The following CDK14 variants were observed in gnomAD, a reference collection of about 807,000 sequenced individuals.
CDK14 encodes the protein cyclin-dependent kinase 14.
Under a neutral mutation model 60.7 loss-of-function variants are expected in CDK14, and 34 were observed. The observed-to-expected ratio is 0.56, with a 90% confidence interval of 0.43 to 0.75. The LOEUF (loss-of-function observed/expected upper bound fraction) is 0.75. Ranked by LOEUF, CDK14 falls within the 30% of genes least tolerant of loss-of-function variation. The pLI is 0.00. For missense variants in CDK14, 482 were observed against 564.1 expected (o/e 0.85, Z 1.47); for synonymous variants, 197 against 203.7 (o/e 0.97, Z 0.28).
intron 10 of CDK14, among the ~76,000 whole-genome samples, chr7:91,023,621 C>G (rs942055204): frequency 3.9e-5 from 6 of 152,174 alleles, no homozygotes; most frequent in Non-Finnish European, 7.3e-5. Flanking sequence ...ATTATTACCA[C>G]TACTATTGTT....
At chr7:91,117,490 C>T (rs1018664065) in intron 13 of CDK14, among the ~76,000 whole-genome samples, 5 of 152,074 alleles carry the variant, frequency 3.3e-5, no homozygotes, top group African/African-American at 1.2e-4. Flanking sequence ...TGCCCTCTTA[C>T]CTCATTTGAT....
intron 2 of CDK14, among the ~76,000 whole-genome samples, chr7:90,616,760 TAAAA>T: frequency 6.6e-6 from 1 of 152,174 alleles, no homozygotes; most frequent in Non-Finnish European, 1.5e-5. Flanking sequence ...TATTAGAAGA[TAAAA>T]AAGATTAAAA....
intron 12 of CDK14, among the ~76,000 whole-genome samples, chr7:91,090,844 G>A (rs1798781833): frequency 6.6e-6 from 1 of 152,030 alleles, no homozygotes; most frequent in Admixed American, 6.6e-5. Flanking sequence ...TGATTCTGTA[G>A]GCGCTGGCCA....
chr7:90,756,191 T>C (rs1057443623), intron 4 of CDK14, among the ~76,000 whole-genome samples: 5 of 152,228 alleles, frequency 3.3e-5, no homozygotes, highest in Non-Finnish European at 7.3e-5. Context: ...TTCTCACATA[T>C]ACTCTGACTT....
chr7:91,068,558 T>C (rs544100090), intron 11 of CDK14, among the ~76,000 whole-genome samples: 2 of 152,130 alleles, frequency 1.3e-5, no homozygotes, highest in Non-Finnish European at 2.9e-5. Flanking sequence ...GATCAGTCAG[T>C]GCTCTATGAA....
chr7:91,013,406 A>G (rs1028892379), intron 10 of CDK14, among the ~76,000 whole-genome samples: 1 of 152,208 alleles, frequency 6.6e-6, no homozygotes, highest in African/African-American at 2.4e-5. Flanking sequence ...ATTTGACTTC[A>G]TTACCTATGA....
At chr7:91,097,055 A>T (rs552564685) in intron 12 of CDK14, among the ~76,000 whole-genome samples, 1 of 152,320 alleles carries the variant, frequency 6.6e-6, no homozygotes, top group Admixed American at 6.5e-5. Context: ...CTTGAGTAAA[A>T]TTCAGGTATT....
intron 14 of CDK14, among the ~76,000 whole-genome samples, chr7:91,132,667 ACATT>A (rs1800153254): frequency 1.3e-5 from 2 of 152,176 alleles, no homozygotes; most frequent in Non-Finnish European, 2.9e-5. Flanking sequence ...GATTCCATTC[ACATT>A]TATGCCTAAT....
intron 11 of CDK14, among the ~76,000 whole-genome samples, chr7:91,056,937 C>A (rs951936908): frequency 6.6e-6 from 1 of 151,998 alleles, no homozygotes; most frequent in African/African-American, 2.4e-5. Context: ...AATGGGATGG[C>A]TGGGTCAAAT....
At chr7:90,972,171 C>T (rs1173933667) in intron 9 of CDK14, among the ~76,000 whole-genome samples, 1 of 152,088 alleles carries the variant, frequency 6.6e-6, no homozygotes, top group Non-Finnish European at 1.5e-5. Flanking sequence ...TACCCACAAT[C>T]CAGGGTTATA....
At chr7:90,663,408 G>T (rs1800904229) in intron 2 of CDK14, among the ~76,000 whole-genome samples, 1 of 152,206 alleles carries the variant, frequency 6.6e-6, no homozygotes, top group African/African-American at 2.4e-5. Flanking sequence ...AGCACAGTGA[G>T]CAGGGAGAGT....
intron 10 of CDK14, among the ~76,000 whole-genome samples, chr7:91,023,247 A>G (rs1338189320): frequency 3.9e-5 from 6 of 152,132 alleles, no homozygotes; most frequent in Admixed American, 2.6e-4. Flanking sequence ...TTTCATAATA[A>G]ATGCATTACT....
rs550204446 is a variant in CDK14 at position 90,992,609 on chromosome 7, A to G, written c.1041+8368A>G. Among the ~76,000 whole-genome samples the G allele has an allele frequency of 3.3e-5, 5 of 152,308 alleles. No individual in the cohort carries two copies. In the South Asian group the frequency reaches 1.0e-3, roughly 32 times the overall value. ...ACCATGTTCTGGGGAGTTTTCTCTC[A>G]GAGGTGATACTTGTTCACTGAAGTT... On this transcript the variant is annotated intron_variant, in intron 10 of 14. Transcript: ENST00000380050.
At chr7:90,693,794 C>G (rs1252110495) in intron 2 of CDK14, among the ~76,000 whole-genome samples, 1 of 152,140 alleles carries the variant, frequency 6.6e-6, no homozygotes, top group East Asian at 1.9e-4. Flanking sequence ...TTTCTAGATC[C>G]TCTCTGATTT....
At chr7:91,174,235 C>T (rs1187985657) in intron 14 of CDK14, among the ~76,000 whole-genome samples, 1 of 151,958 alleles carries the variant, frequency 6.6e-6, no homozygotes, top group Admixed American at 6.6e-5. Flanking sequence ...AACAGACCTG[C>T]AGCTGAGGGT....
rs1801358230 is a variant in CDK14, at chr7:91,166,744, C to T, written c.*29-40421C>T. On this transcript the variant is annotated intron_variant, in intron 14 of 14. Coordinates refer to ENST00000380050, the MANE Select transcript of CDK14 (RefSeq NM_001287135.2). ...CAGTTTTTGTCATTCAGAGAATATA[C>T]AACAGTTCTTCTGACTAGTCCCAAC... Among the ~76,000 whole-genome samples, 2 of 152,106 alleles carry T rather than the reference C, an allele frequency of 1.3e-5. 1 individual carries two copies. The highest frequency in any genetic ancestry group is 4.1e-4 in the South Asian group (2 of 4,820).
intron 14 of CDK14, among the ~76,000 whole-genome samples, chr7:91,191,391 T>A (rs1802356791): frequency 6.6e-6 from 1 of 152,006 alleles, no homozygotes; most frequent in Non-Finnish European, 1.5e-5. Context: ...ACATGTCAAA[T>A]GAAAAAAGTT....
intron 2 of CDK14, among the ~76,000 whole-genome samples, chr7:90,705,838 G>A (rs1211841977): frequency 6.6e-6 from 1 of 151,920 alleles, no homozygotes; most frequent in East Asian, 1.9e-4. Context: ...TTAGGAGCCA[G>A]TTGGCCCTGT....
At chr7:90,910,571 A>G (rs117609967) in intron 7 of CDK14, among the ~76,000 whole-genome samples, 2,318 of 152,284 alleles carry the variant, frequency 0.015, 21 homozygotes, top group Non-Finnish European at 0.022. Flanking sequence ...TTCATGTATA[A>G]CTTTCATTTA....
Sources: allele counts gnomAD v4.1 joint callset (sites outside exome capture counted in the v4.1 genomes callset), GRCh38; gene constraint gnomAD v4.1.1; transcripts MANE v1.5; gene names NCBI Gene and HGNC (gene_info 2026-07-23, HGNC 2026-07-21).